Variants in ADAM17 observed in about 807,000 individuals in gnomAD.
The protein encoded by ADAM17 is ADAM metallopeptidase domain 17.
ADAM17 carries 39 observed loss-of-function variants against 96.7 expected under a neutral mutation model. That is an observed-to-expected ratio of 0.40 (90% CI 0.31 to 0.53). ADAM17 has a LOEUF of 0.53. Ranked by LOEUF, ADAM17 falls within the 20% of genes least tolerant of loss-of-function variation. The probability of loss-of-function intolerance (pLI) is 0.44; values close to 1 mark genes in which losing one functional copy is unlikely to be tolerated. For synonymous variants in ADAM17, 344 were observed against 359.2 expected (o/e 0.96, Z 0.48); for missense variants, 777 against 1,013.2 (o/e 0.77, Z 3.17).
intron 1 of ADAM17, among the ~76,000 whole-genome samples, chr2:9,548,098 C>A (rs965026831): frequency 4.6e-5 from 7 of 150,932 alleles, no homozygotes; most frequent in Non-Finnish European, 8.9e-5. Context: ...AGAGAGAAAG[C>A]CAAGGTGGGC....
rs150297821 is a variant in ADAM17 at position 9,537,668 on chromosome 2, C to A, written c.231-840G>T. On this transcript the variant is annotated intron_variant, in intron 2 of 18. Transcript: ENST00000310823. Reference sequence around the variant, plus strand: ...AATGGAGTGAACCCGGGAGGCGGAGCCTGCTGTGAGCCGAGATCGCCAGCC... The same window carrying A: ...AATGGAGTGAACCCGGGAGGCGGAGACTGCTGTGAGCCGAGATCGCCAGCC... Among the ~76,000 whole-genome samples the A allele has an allele frequency of 2.9e-3, 435 of 151,700 alleles. 2 individuals carry two copies. The highest frequency in any genetic ancestry group is 0.01 in the African/African-American group (422 of 41,352).
intron 8 of ADAM17, among the ~76,000 whole-genome samples, chr2:9,519,739 C>G (rs1019746725): frequency 6.6e-6 from 1 of 152,134 alleles, no homozygotes; most frequent in African/African-American, 2.4e-5. Flanking sequence ...GAGGGAAGGA[C>G]CATGTGAGAA....
chr2:9,550,611 A>G (rs1215153962), intron 1 of ADAM17, among the ~76,000 whole-genome samples: 1 of 151,672 alleles, frequency 6.6e-6, no homozygotes, highest in Non-Finnish European at 1.5e-5. Flanking sequence ...ACGCCTGGCT[A>G]ATTTTTGTAT....
In ADAM17 at chr2:9,535,959, T is replaced by A. The variant is rs1286292000; in HGVS notation, c.362-37A>T. The stretch of plus-strand genomic sequence containing the variant: ...AAAAAAATTATTATTTAAAAATACT[T>A]ACATCAAATAAGAAACTATGCATTA... On this transcript the variant is annotated intron_variant, in intron 3 of 18. Coordinates refer to ENST00000310823, the MANE Select transcript of ADAM17 (RefSeq NM_003183.6). 4.5e-6 allele frequency: 6 copies of A among 1,342,596 alleles called. No homozygotes were observed. The South Asian group carries it at 8.9e-5, about 20-fold the overall frequency. The allele number at this position is 1,342,596 out of a possible 1,614,324, so 83.2% of individuals were successfully genotyped here.
At chr2:9,516,613 C>T (rs533450676) in intron 10 of ADAM17, among the ~76,000 whole-genome samples, 91 of 152,016 alleles carry the variant, frequency 6.0e-4, no homozygotes, top group African/African-American at 2.1e-3. Flanking sequence ...ATTAGCCAGG[C>T]GTGGTGACAG....
chr2:9,523,345 G>A lies in ADAM17; in HGVS notation c.754-7C>T, dbSNP rs1468392168. 3 of 1,602,890 alleles carry A rather than the reference G, an allele frequency of 1.9e-6. No individual in the cohort carries two copies. The highest frequency in any genetic ancestry group is 2.6e-6 in the Non-Finnish European group (3 of 1,171,680). The stretch of plus-strand genomic sequence containing the variant: ...CTCTGTCAATTAGCTCTATCTGTGT[G>A]TATTTAAAAAAGAAAAAAGACATTA... On this transcript the variant is annotated splice_polypyrimidine_tract_variant and splice_region_variant and intron_variant, in intron 6 of 18. Coordinates refer to ENST00000310823, the MANE Select transcript of ADAM17 (RefSeq NM_003183.6).
At chr2:9,522,510 A>C in intron 7 of ADAM17, 1 of 529,982 alleles carries the variant, frequency 1.9e-6, no homozygotes, top group Non-Finnish European at 3.5e-6. Flanking sequence ...TTATACAAGT[A>C]ATATCAAAGT....
chr2:9,505,824 TCTC>T lies in ADAM17; in HGVS notation c.1345-462_1345-460del, dbSNP rs202104414. Reference sequence around the variant, plus strand: ...CAGAAATGCAGGAGAAGGGGTTTCTTCTCCTTCTTTGGCTACTTATATGGATGA... The same window carrying T: ...CAGAAATGCAGGAGAAGGGGTTTCTTCTTCTTTGGCTACTTATATGGATGA... On this transcript the variant is annotated intron_variant, in intron 11 of 18. Transcript: ENST00000310823. 3.1e-3 allele frequency among the ~76,000 whole-genome samples: 476 copies of T among 152,282 alleles called. 4 individuals carry two copies. The highest frequency in any genetic ancestry group is 0.011 in the African/African-American group (446 of 41,570).
intron 5 of ADAM17, 136 bp from the exon 6 acceptor site, chr2:9,526,380 C>CAAA: frequency 2.2e-6 from 2 of 889,766 alleles, no homozygotes; most frequent in South Asian, 2.3e-5. Context: ...TGAACAACAA[C>CAAA]AAAAAATAAT....
chr2:9,530,772 T>C (rs1317531585), intron 4 of ADAM17, among the ~76,000 whole-genome samples: 2 of 152,176 alleles, frequency 1.3e-5, no homozygotes, highest in South Asian at 4.1e-4. Context: ...TAAGGATGCA[T>C]ACAGAAGTAT....
intron 4 of ADAM17, among the ~76,000 whole-genome samples, chr2:9,531,240 G>C (rs1664725322): frequency 6.6e-6 from 1 of 151,572 alleles, no homozygotes; most frequent in African/African-American, 2.4e-5. Flanking sequence ...TGACAGGCAT[G>C]AGCCACTGCA....
At chr2:9,508,946 A>G (rs1663575469) in intron 11 of ADAM17, among the ~76,000 whole-genome samples, 2 of 152,162 alleles carry the variant, frequency 1.3e-5, no homozygotes, top group Non-Finnish European at 2.9e-5. Flanking sequence ...CTGTTTACAC[A>G]TAACAGCCAA....
intron 13 of ADAM17, among the ~76,000 whole-genome samples, chr2:9,498,551 G>A (rs1398037904): frequency 1.3e-5 from 2 of 152,250 alleles, no homozygotes; most frequent in African/African-American, 4.8e-5. Flanking sequence ...TTCTGACTTA[G>A]AGGGTTTCAG....
intron 1 of ADAM17, among the ~76,000 whole-genome samples, chr2:9,550,903 C>CAAAA (rs33972062): frequency 2.0e-5 from 2 of 97,864 alleles, no homozygotes; most frequent in African/African-American, 3.8e-5. Context: ...ACTAAAAATA[C>CAAAA]AAAAAAAAAA....
chr2:9,497,384 A>T, intron 13 of ADAM17, 136 bp from the exon 14 acceptor site: 1 of 1,111,794 alleles, frequency 9.0e-7, no homozygotes. Context: ...GAGCTAGGAC[A>T]AGAGCCTGCA....
At chr2:9,496,008 T>C (rs1662568164) in intron 14 of ADAM17, among the ~76,000 whole-genome samples, 1 of 151,848 alleles carries the variant, frequency 6.6e-6, no homozygotes, top group Admixed American at 6.6e-5. Flanking sequence ...CCTATCTTCT[T>C]TACCTACACA....
chr2:9,495,922 ACTC>A (rs1662559619), intron 14 of ADAM17, among the ~76,000 whole-genome samples: 1 of 147,330 alleles, frequency 6.8e-6, no homozygotes, highest in East Asian at 2.0e-4. Flanking sequence ...GTCTCAAACA[ACTC>A]CTGAGCTCAA....
chr2:9,537,552 C>A (rs555304025), intron 2 of ADAM17, among the ~76,000 whole-genome samples: 1 of 151,882 alleles, frequency 6.6e-6, no homozygotes, highest in African/African-American at 2.4e-5. Flanking sequence ...GCTAACACAG[C>A]GAAACCCCAT....
chr2:9,490,529 A>G lies in ADAM17; in HGVS notation c.2134-11T>C, dbSNP rs79715435. 8.2e-4 allele frequency: 1,315 copies of G among 1,604,852 alleles called. 10 individuals carry two copies. The East Asian group carries it at 0.018, about 22-fold the overall frequency. ...CAGCATTTCGACGTTCTGCAAAGAC[A>G]TGGGTTCAATTGATTGATAGGAATA... On this transcript the variant is annotated splice_polypyrimidine_tract_variant and intron_variant, in intron 18 of 18. Coordinates refer to ENST00000310823, the MANE Select transcript of ADAM17 (RefSeq NM_003183.6).
Sources: allele counts gnomAD v4.1 joint callset (sites outside exome capture counted in the v4.1 genomes callset), GRCh38; gene constraint gnomAD v4.1.1; transcripts MANE v1.5; gene names NCBI Gene and HGNC (gene_info 2026-07-23, HGNC 2026-07-21).